POTEE: variants seen among roughly 807,000 people sequenced by gnomAD.
POTEE encodes POTE ankyrin domain family member E.
A neutral mutation model predicts 74.2 loss-of-function variants in POTEE; 21 were observed. That is an observed-to-expected ratio of 0.28 (90% confidence interval 0.20 to 0.41). The LOEUF (loss-of-function observed/expected upper bound fraction) is 0.41. POTEE is among the 10% of genes least tolerant of loss of function. The pLI is 1.00. For synonymous variants in POTEE, 211 were observed against 432.8 expected, an observed-to-expected ratio of 0.49 and a Z score of 6.36; for missense variants, 525 against 1,158.6, an observed-to-expected ratio of 0.45 and a Z score of 7.94.
chr2:131,220,572 C>T (rs1297968429), intron 4 of POTEE, among the ~76,000 whole-genome samples: 2 of 151,968 alleles, frequency 1.3e-5, no homozygotes, highest in African/African-American at 4.8e-5. Context: ...GCATATCTAC[C>T]AGTGACCTAT....
intron 6 of POTEE, among the ~76,000 whole-genome samples, chr2:131,226,259 A>G (rs1396271736): frequency 6.9e-6 from 1 of 144,730 alleles, no homozygotes; most frequent in Non-Finnish European, 1.5e-5. Flanking sequence ...CTATGAACTG[A>G]TGGTTTAGTT....
chr2:131,256,798 A>T (rs1406068749), intron 16 of POTEE, among the ~76,000 whole-genome samples: 1 of 149,752 alleles, frequency 6.7e-6, no homozygotes, highest in African/African-American at 2.4e-5. Context: ...AGAGAAAATG[A>T]AGAAAATGAA....
chr2:131,226,959 C>A (rs62177520), intron 7 of POTEE, 30 bp downstream of exon 7: 12 of 1,465,170 alleles, frequency 8.2e-6, no homozygotes, highest in African/African-American at 3.2e-5. Flanking sequence ...TCTGTGTGTT[C>A]TAGATGGACA....
intron 9 of POTEE, among the ~76,000 whole-genome samples, chr2:131,232,949 C>T (rs549898659): frequency 6.6e-6 from 1 of 152,110 alleles, no homozygotes; most frequent in Admixed American, 6.5e-5. Flanking sequence ...ACACCACATG[C>T]TCATTCCCAA....
chr2:131,229,670 T>C (rs1412955461), intron 8 of POTEE: 2 of 152,206 alleles, frequency 1.3e-5, no homozygotes, highest in Non-Finnish European at 2.9e-5. Context: ...GCATGGCTTC[T>C]GCATAAGGAG....
intron 2 of POTEE, among the ~76,000 whole-genome samples, chr2:131,213,107 C>G (rs1245786561): frequency 2.0e-5 from 3 of 151,142 alleles, no homozygotes; most frequent in Non-Finnish European, 4.4e-5. Context: ...ATTATAGGTG[C>G]CTGCCACCAC....
At chr2:131,233,491 G>A (rs887212794) in intron 9 of POTEE, among the ~76,000 whole-genome samples, 5 of 151,924 alleles carry the variant, frequency 3.3e-5, no homozygotes, top group Non-Finnish European at 7.4e-5. Flanking sequence ...GTCAGTTATA[G>A]TTTCCTTGTC....
In POTEE at chr2:131,238,185, C is replaced by A. The variant is rs376098119; in HGVS notation, c.1198-9C>A. ...CAAGCAAATTAACCTTCTGTTTTTG[C>A]CTCTGCAGAAAATGTCTCAAGAACT... On this transcript the variant is annotated splice_polypyrimidine_tract_variant and intron_variant, in intron 10 of 17. Coordinates refer to ENST00000683005, the MANE Select transcript of POTEE (RefSeq NM_001083538.3). The A allele has an allele frequency of 1.2e-6, 2 of 1,601,050 alleles. No homozygotes were observed. Among genetic ancestry groups the A allele is most frequent in the African/African-American group, 1.4e-5 (1 of 69,334 alleles).
chr2:131,226,744 T>A, intron 6 of POTEE, 79 bp from the exon 7 acceptor site: 4 of 1,601,720 alleles, frequency 2.5e-6, no homozygotes, highest in Non-Finnish European at 3.4e-6. Context: ...CCATAAGATC[T>A]TACATAAAGT....
chr2:131,220,945 A>G (rs1278218801), intron 4 of POTEE, among the ~76,000 whole-genome samples: 2 of 136,548 alleles, frequency 1.5e-5, no homozygotes, highest in Non-Finnish European at 3.1e-5. Flanking sequence ...TGGGTGATAG[A>G]GTGAGACTCC....
intron 4 of POTEE, among the ~76,000 whole-genome samples, chr2:131,221,294 C>G (rs1700609481): frequency 6.6e-6 from 1 of 152,028 alleles, no homozygotes; most frequent in Non-Finnish European, 1.5e-5. Flanking sequence ...TTGAGGTTGT[C>G]AGTAGATACA....
chr2:131,225,303 G>A (rs1700747107), intron 6 of POTEE, among the ~76,000 whole-genome samples: 1 of 152,124 alleles, frequency 6.6e-6, no homozygotes, highest in African/African-American at 2.4e-5. Context: ...CAGCTGCTAG[G>A]GAGGCTGAGG....
intron 9 of POTEE, among the ~76,000 whole-genome samples, chr2:131,231,563 T>G (rs1700960009): frequency 6.6e-6 from 1 of 152,068 alleles, no homozygotes; most frequent in African/African-American, 2.4e-5. Context: ...CTTGTCCCAA[T>G]AAGGTCTCAC....
intron 9 of POTEE, among the ~76,000 whole-genome samples, chr2:131,231,912 A>C (rs898855768): frequency 1.3e-5 from 2 of 152,222 alleles, no homozygotes; most frequent in African/African-American, 4.8e-5. Context: ...TTTGTAAGTT[A>C]GGTTTTATAA....
chr2:131,226,623 C>T (rs1423661522), intron 6 of POTEE, among the ~76,000 whole-genome samples, 200 bp from the exon 7 acceptor site: 1 of 150,444 alleles, frequency 6.6e-6, no homozygotes, highest in Non-Finnish European at 1.5e-5. Flanking sequence ...ATTAGAGTTA[C>T]TGTGGTGAGG....
At chr2:131,230,974 T>G in intron 9 of POTEE, 68 bp downstream of exon 9, 3 of 1,493,612 alleles carry the variant, frequency 2.0e-6, no homozygotes, top group Non-Finnish European at 2.7e-6. Flanking sequence ...GGGACCGGTT[T>G]TGTGGAAGAC....
chr2:131,254,069 CA>C (rs1361690694), intron 16 of POTEE, among the ~76,000 whole-genome samples: 1 of 151,776 alleles, frequency 6.6e-6, no homozygotes, highest in African/African-American at 2.4e-5. Context: ...CTACATGCTA[CA>C]TTGACACTGT....
chr2:131,221,041 C>T (rs1700601324), intron 4 of POTEE, among the ~76,000 whole-genome samples: 1 of 151,468 alleles, frequency 6.6e-6, no homozygotes, highest in Non-Finnish European at 1.5e-5. Context: ...AACAGTGGTA[C>T]TTACGTAGTC....
chr2:131,218,264 T>G, intron 3 of POTEE, 46 bp from the exon 4 acceptor site: 1 of 1,512,956 alleles, frequency 6.6e-7, no homozygotes, highest in African/African-American at 1.4e-5. Context: ...AATCCCCTGC[T>G]GGGGTTGGCA....
Sources: allele counts gnomAD v4.1 joint callset (sites outside exome capture counted in the v4.1 genomes callset), GRCh38; gene constraint gnomAD v4.1.1; transcripts MANE v1.5; gene names NCBI Gene and HGNC (gene_info 2026-07-23, HGNC 2026-07-21).